The following ENO1 variants were observed in gnomAD, a reference collection of about 807,000 sequenced individuals.
ENO1 encodes the protein enolase 1.
In ENO1, 33 loss-of-function variants were observed where a neutral mutation model predicts 46.3. That is an observed-to-expected ratio of 0.71 (90% confidence interval 0.54 to 0.95). ENO1 has a LOEUF of 0.95. Ranked by LOEUF, ENO1 falls within the 40% of genes least tolerant of loss-of-function variation. ENO1 has a pLI of 0.00. For missense variants in ENO1, 488 were observed against 553.3 expected (o/e 0.88, Z 1.18); for synonymous variants, 220 against 216.0 (o/e 1.02, Z -0.16).
At chr1:8,874,595 AAAAAAG>A (rs1557587521) in intron 2 of ENO1, among the ~76,000 whole-genome samples, 14 of 146,956 alleles carry the variant, frequency 9.5e-5, no homozygotes, top group African/African-American at 3.4e-4. Flanking sequence ...AAAAAAAAAA[AAAAAAG>A]AAAAAGAAAA....
chr1:8,865,454 C>T lies in ENO1; in HGVS notation c.696G>A (p.Gly232=), dbSNP rs1170009657. 3.1e-6 allele frequency: 5 copies of T among 1,613,452 alleles called. No individual in the cohort carries two copies. In the Admixed American group the frequency reaches 8.3e-5, roughly 27 times the overall value. ...CCACCTTATCAGTGTAGCCAGCTTT[C>T]CCAATAGCAGTCTTCAGCAGCTCCA... The part of the protein sequence containing the change: ...EGLELLKTAI[G]KAGYTDKVVI... The change falls in exon 8 of 12, where the codon GGG becomes GGA. Residue 232 remains glycine, a synonymous_variant. Coordinates refer to ENST00000234590, the MANE Select transcript of ENO1 (RefSeq NM_001428.5).
At position 8,871,095 on chromosome 1, in the gene ENO1, G is replaced by A. The variant is rs550745626; in HGVS notation, c.182-585C>T. 2.2e-5 allele frequency: 26 copies of A among 1,208,958 alleles called. No homozygotes were observed. In the South Asian group the frequency reaches 3.3e-4, roughly 16 times the overall value. 74.9% of individuals were successfully genotyped at this position (1,208,958 alleles called of 1,614,324 possible). On this transcript the variant is annotated intron_variant, in intron 3 of 11. Transcript: ENST00000234590. ...CTGCTCCGGCTAAGTCCCCACGTACGCCATTAAACAACGGTCAAATGGTAA... is the reference window on the plus strand; with the variant it reads ...CTGCTCCGGCTAAGTCCCCACGTACACCATTAAACAACGGTCAAATGGTAA...
chr1:8,867,122 C>G lies in ENO1; in HGVS notation c.439G>C (p.Val147Leu). Residue 147 changes from valine to leucine, a missense_variant, in exon 6 of 12, where the codon GTC becomes CTC. By Grantham distance (32) the Val-to-Leu change is conservative (BLOSUM62 1). Coordinates refer to ENST00000234590, the MANE Select transcript of ENO1 (RefSeq NM_001428.5). ...LAGNSEVILP[V>L]PAFNVINGGS... ...AGTTCCAATAAACCACTCACCGGGA[C>G]TGGCAGGATGACTTCAGAGTTGCCA... 1 of 1,613,522 alleles carries G rather than the reference C, an allele frequency of 6.2e-7. No individual in the cohort carries two copies. The highest frequency in any genetic ancestry group is 8.5e-7 in the Non-Finnish European group (1 of 1,179,464).
chr1:8,874,895 T>C lies in ENO1; in HGVS notation c.14A>G (p.Lys5Arg). 6.2e-7 allele frequency: 1 copy of C among 1,613,930 alleles called. No individual in the cohort carries two copies. MSIL[K>R]IHAREIFDSR... ...GTCAAAGATCTCCCTGGCATGGATC[T>C]TGAGAATAGACATGGTGAACTTCTG... Residue 5 changes from lysine (K) to arginine (R), a missense_variant, in exon 2 of 12, where the codon AAG (lysine) becomes AGG (arginine). Lys to Arg is a conservative substitution (Grantham distance 26). Transcript: ENST00000234590.
chr1:8,865,540 C>A, intron 7 of ENO1, 58 bp from the exon 8 acceptor site: 2 of 1,534,470 alleles, frequency 1.3e-6, no homozygotes, highest in South Asian at 2.3e-5. Flanking sequence ...GAAAACTTCC[C>A]TTCAACAGCT....
intron 11 of ENO1, 22 bp downstream of exon 11, chr1:8,862,865 T>A (rs1361756557): frequency 6.2e-7 from 1 of 1,612,884 alleles, no homozygotes; most frequent in Admixed American, 1.7e-5. Context: ...ACAGGCCCCT[T>A]GTTCTCAGGA....
chr1:8,870,812 TTCAA>T (rs1642616419), intron 3 of ENO1: 16 of 1,379,210 alleles, frequency 1.2e-5, no homozygotes, highest in South Asian at 9.4e-5. Flanking sequence ...CTAAAGGCTG[TTCAA>T]TCAGTTACCT....
intron 2 of ENO1, among the ~76,000 whole-genome samples, chr1:8,873,621 CA>C (rs994970816): frequency 6.6e-6 from 1 of 152,214 alleles, no homozygotes; most frequent in Non-Finnish European, 1.5e-5. Flanking sequence ...TGAGAAACCC[CA>C]CAGTGCTTGA....
intron 3 of ENO1, chr1:8,871,039 G>A: frequency 8.1e-7 from 1 of 1,236,730 alleles, no homozygotes; most frequent in East Asian, 3.1e-5. Flanking sequence ...TACTTACTGA[G>A]CACTCATTAC....
Position 8,874,803 on chromosome 1 carries a change from A to T in ENO1, c.85+21T>A, listed in dbSNP as rs778279765. 2.5e-6 allele frequency: 4 copies of T among 1,604,422 alleles called. No individual in the cohort carries two copies. In the South Asian group the frequency reaches 4.5e-5, roughly 18 times the overall value. On this transcript the variant is annotated intron_variant, in intron 2 of 11. Transcript: ENST00000234590. ...GAAGCACGGTGGAAGGAACCATGGA[A>T]ACCAAGGAGGTGGCACATACCTTTT...
chr1:8,866,952 C>T (rs1349853316), intron 6 of ENO1, among the ~76,000 whole-genome samples, 165 bp downstream of exon 6: 1 of 152,192 alleles, frequency 6.6e-6, no homozygotes, highest in African/African-American at 2.4e-5. Flanking sequence ...GGACCTGGGG[C>T]ACAGGCAAGT....
chr1:8,871,318 T>C, intron 3 of ENO1: 4 of 992,856 alleles, frequency 4.0e-6, no homozygotes, highest in Non-Finnish European at 4.8e-6. Context: ...TTTGGCCACA[T>C]GTTCTATCTC....
At chr1:8,863,421 G>T in intron 9 of ENO1, 78 bp from the exon 10 acceptor site, 1 of 1,413,162 alleles carries the variant, frequency 7.1e-7, no homozygotes, top group Non-Finnish European at 9.6e-7. Context: ...ACCCCTCGGT[G>T]CCAGCAGGAA....
In ENO1 at chr1:8,865,329, T is replaced by C. The variant is rs1642486852; in HGVS notation, c.821A>G (p.Asp274Gly). Residue 274 changes from aspartate to glycine, a missense_variant, in exon 8 of 12, where the codon GAC (aspartate) becomes GGC (glycine). By Grantham distance (94) the Asp-to-Gly change is moderately conservative. Transcript: ENST00000234590. ...GGACTTGTACAGGTCAGCCAGCTGG[T>C]CAGGCGAGATGTACCTGCTGGGGTC... ...PDDPSRYISP[D>G]QLADLYKSFI... 3.7e-6 allele frequency: 6 copies of C among 1,614,198 alleles called. No individual in the cohort carries two copies. The highest frequency in any genetic ancestry group is 5.1e-6 in the Non-Finnish European group (6 of 1,180,036).
At position 8,878,656 on chromosome 1, in the gene ENO1, G is replaced by A. The variant is rs1437695187; in HGVS notation, c.-86C>T. On this transcript the variant is annotated 5_prime_UTR_variant, in exon 1 of 12. Transcript: ENST00000234590. ...ACCGAGGTGAACGTAAAGCCGGCGA[G>A]ATCTCCGTGCTCCGGGTACCCACAG... 6.6e-6 allele frequency: 3 copies of A among 455,980 alleles called. No homozygotes were observed. The highest frequency in any genetic ancestry group is 2.3e-5 in the Admixed American group (1 of 42,560). 28.2% of individuals were successfully genotyped at this position (455,980 alleles called of 1,614,324 possible). A position where few individuals can be genotyped will look rare whatever the true frequency, so the allele number is the denominator to read the frequency against.
intron 2 of ENO1, among the ~76,000 whole-genome samples, chr1:8,873,064 T>G (rs1288237660): frequency 6.6e-6 from 1 of 152,240 alleles, no homozygotes; most frequent in East Asian, 1.9e-4. Context: ...GTGTGCGCTA[T>G]CAACAGGTCA....
rs1642394008 is a variant in ENO1 at position 8,861,188 on chromosome 1, A to AGCTTG, written c.*167_*171dup. 1 of 611,590 alleles carries AGCTTG rather than the reference A, an allele frequency of 1.6e-6. No individual in the cohort carries two copies. Among genetic ancestry groups the AGCTTG allele is most frequent in the Admixed American group, 3.0e-5 (1 of 33,244 alleles). The allele number at this position is 611,590 out of a possible 1,614,324, so 37.9% of individuals were successfully genotyped here. ...TAGAGCTGCCAACAGGGCTCCAGGG[A>AGCTTG]GCTTGGCTTCTGTAGAAGTTCTAAG... On this transcript the variant is annotated 3_prime_UTR_variant, in exon 12 of 12. Transcript: ENST00000234590.
chr1:8,863,030 G>C (rs769236723), intron 10 of ENO1, 85 bp from the exon 11 acceptor site: 139 of 1,533,536 alleles, frequency 9.1e-5, no homozygotes, highest in Non-Finnish European at 1.2e-4. Context: ...GTCAGAGAGA[G>C]AATTTCTAGA....
rs541292648 is a variant in ENO1, at chr1:8,862,699, G to C, written c.1235+188C>G. Among the ~76,000 whole-genome samples the C allele has an allele frequency of 2.0e-5, 3 of 152,332 alleles. No homozygotes were observed. In the South Asian group the frequency reaches 6.2e-4, roughly 32 times the overall value. ...GCCTCTGGTGGCGCTGCAGTGGGTG[G>C]GTAGGGGGAGTCTAGGCCTAACTCT... On this transcript the variant is annotated intron_variant, in intron 11 of 11. Coordinates refer to ENST00000234590, the MANE Select transcript of ENO1 (RefSeq NM_001428.5).
Sources: gnomAD v4.1 joint callset for allele counts (sites outside exome capture counted in the v4.1 genomes callset) on GRCh38, gnomAD v4.1.1 for gene constraint, MANE v1.5 for transcripts, NCBI Gene and HGNC (gene_info 2026-07-23, HGNC 2026-07-21) for gene names.